The following FNDC3A variants were observed in gnomAD, a reference collection of about 807,000 sequenced individuals.
The protein encoded by FNDC3A is fibronectin type III domain containing 3A, also known as fibronectin type-III domain-containing protein 3A.
FNDC3A carries 32 observed loss-of-function variants against 148.9 expected under a neutral mutation model. That is an observed-to-expected ratio of 0.21 (90% CI 0.16 to 0.29). FNDC3A has a LOEUF of 0.29. FNDC3A is among the 10% of genes least tolerant of loss of function. The pLI, the probability that FNDC3A is intolerant of heterozygous loss-of-function variation, is 1.00. For synonymous variants in FNDC3A, 472 were observed against 473.6 expected, an observed-to-expected ratio of 1.00 and a Z score of 0.04; for missense variants, 1,191 against 1,452.8, an observed-to-expected ratio of 0.82 and a Z score of 2.93.
intron 1 of FNDC3A, among the ~76,000 whole-genome samples, chr13:49,005,206 A>C (rs754347504): frequency 6.6e-6 from 1 of 151,912 alleles, no homozygotes; most frequent in Non-Finnish European, 1.5e-5. Flanking sequence ...AACTTGTGAG[A>C]TTCAGCAGTC....
chr13:49,022,279 G>A (rs944863782), intron 2 of FNDC3A, among the ~76,000 whole-genome samples: 1 of 152,120 alleles, frequency 6.6e-6, no homozygotes, highest in Non-Finnish European at 1.5e-5. Flanking sequence ...GAGTAAAGGT[G>A]CTTCCCCCTT....
intron 2 of FNDC3A, among the ~76,000 whole-genome samples, chr13:49,039,655 G>A (rs1294528755): frequency 2.6e-5 from 4 of 152,008 alleles, no homozygotes; most frequent in African/African-American, 9.7e-5. Context: ...TATATACTGG[G>A]CATATTTATA....
intron 19 of FNDC3A, among the ~76,000 whole-genome samples, chr13:49,196,554 A>G (rs1390562241): frequency 6.6e-6 from 1 of 152,156 alleles, no homozygotes; most frequent in African/African-American, 2.4e-5. Flanking sequence ...ATTAGTATCA[A>G]TTTCTTCACT....
At chr13:49,144,161 G>A (rs1882861353) in intron 7 of FNDC3A, among the ~76,000 whole-genome samples, 1 of 151,538 alleles carries the variant, frequency 6.6e-6, no homozygotes, top group Non-Finnish European at 1.5e-5. Context: ...GACACTTATG[G>A]GTATACATAC....
intron 7 of FNDC3A, among the ~76,000 whole-genome samples, chr13:49,144,413 CAG>C (rs1047907711): frequency 1.5e-4 from 23 of 152,028 alleles, no homozygotes; most frequent in African/African-American, 5.3e-4. Context: ...TTGAAAAGGA[CAG>C]AATGTTACAA....
intron 2 of FNDC3A, among the ~76,000 whole-genome samples, chr13:49,019,447 C>G (rs1046356269): frequency 6.6e-6 from 1 of 152,234 alleles, no homozygotes; most frequent in Admixed American, 6.5e-5. Context: ...GGCAATGCCT[C>G]GCCCTGCTTC....
chr13:49,017,565 T>C (rs1872904903), intron 2 of FNDC3A, among the ~76,000 whole-genome samples: 1 of 152,218 alleles, frequency 6.6e-6, no homozygotes, highest in South Asian at 2.1e-4. Context: ...AATTTGCCAG[T>C]CTGTGTCTTT....
At chr13:49,001,009 A>T (rs1282425455) in intron 1 of FNDC3A, among the ~76,000 whole-genome samples, 1 of 151,658 alleles carries the variant, frequency 6.6e-6, no homozygotes, top group Non-Finnish European at 1.5e-5. Flanking sequence ...TTCTACCTAT[A>T]AGATTATATT....
At chr13:49,008,521 T>C (rs954783684) in intron 2 of FNDC3A, among the ~76,000 whole-genome samples, 8 of 152,188 alleles carry the variant, frequency 5.3e-5, no homozygotes, top group Admixed American at 2.6e-4. Flanking sequence ...TGTCTTGACT[T>C]TTCTTCAGAA....
intron 3 of FNDC3A, among the ~76,000 whole-genome samples, chr13:49,083,608 G>A (rs186691492): frequency 1.3e-4 from 20 of 152,262 alleles, no homozygotes; most frequent in Admixed American, 1.2e-3. Context: ...CGTGAAGGAT[G>A]TTTAACCTAG....
chr13:49,001,049 C>T (rs945892445), intron 1 of FNDC3A, among the ~76,000 whole-genome samples: 1 of 151,588 alleles, frequency 6.6e-6, no homozygotes, highest in Admixed American at 6.6e-5. Flanking sequence ...TTTATTTCTT[C>T]CTGTCCAGTT....
intron 1 of FNDC3A, among the ~76,000 whole-genome samples, chr13:49,000,125 T>A (rs1373949196): frequency 1.3e-5 from 2 of 152,232 alleles, no homozygotes; most frequent in South Asian, 2.1e-4. Context: ...TTGTTATGTG[T>A]GTTTTTGCTG....
At chr13:49,124,830 G>A (rs1004040787) in intron 4 of FNDC3A, among the ~76,000 whole-genome samples, 1 of 152,138 alleles carries the variant, frequency 6.6e-6, no homozygotes, top group East Asian at 1.9e-4. Flanking sequence ...CTGGCAAATA[G>A]TACTAACTTA....
At chr13:49,104,994 A>C (rs1345708639) in intron 3 of FNDC3A, among the ~76,000 whole-genome samples, 1 of 152,222 alleles carries the variant, frequency 6.6e-6, no homozygotes, top group African/African-American at 2.4e-5. Context: ...TATATGAAAA[A>C]TATAAGTCAT....
intron 3 of FNDC3A, among the ~76,000 whole-genome samples, chr13:49,092,879 G>A (rs1879277843): frequency 6.6e-6 from 1 of 151,578 alleles, no homozygotes; most frequent in South Asian, 2.1e-4. Flanking sequence ...TTCTGTCTCA[G>A]AGTCCATCTT....
At chr13:48,979,684 T>A (rs1433003331) in intron 1 of FNDC3A, among the ~76,000 whole-genome samples, 2 of 152,180 alleles carry the variant, frequency 1.3e-5, no homozygotes, top group African/African-American at 4.8e-5. Context: ...TTAAGCTTTA[T>A]GTATAATGGA....
intron 1 of FNDC3A, among the ~76,000 whole-genome samples, chr13:48,991,556 C>G (rs1418445847): frequency 1.3e-5 from 2 of 151,918 alleles, no homozygotes; most frequent in African/African-American, 4.8e-5. Context: ...GGTGTGGTGG[C>G]ACACGCCTGT....
rs181924265 is a variant in FNDC3A at position 49,082,375 on chromosome 13, G to A, written c.175+7011G>A. On this transcript the variant is annotated intron_variant, in intron 3 of 25. Transcript: ENST00000492622. ...CACTCCAGCCTGGGTGACAGAGTAA[G>A]ACTCCATCTCAAAAACAAAAAAACC... Among the ~76,000 whole-genome samples, 60 of 152,066 alleles carry A rather than the reference G, an allele frequency of 3.9e-4. 1 individual carries two copies. The East Asian group carries it at 0.012, about 29-fold the overall frequency.
intron 8 of FNDC3A, among the ~76,000 whole-genome samples, chr13:49,154,581 C>T (rs1345170298): frequency 5.7e-5 from 4 of 70,524 alleles, no homozygotes; most frequent in Admixed American, 1.9e-4. Context: ...TGAGAGAGGG[C>T]ATCCCTGTCT....
Sources: gnomAD v4.1 joint callset for allele counts (sites outside exome capture counted in the v4.1 genomes callset) on GRCh38, gnomAD v4.1.1 for gene constraint, MANE v1.5 for transcripts, NCBI Gene and HGNC (gene_info 2026-07-23, HGNC 2026-07-21) for gene names.